NOTCH3: variants seen among roughly 807,000 people sequenced by gnomAD.
The protein encoded by NOTCH3 is neurogenic locus notch homolog protein 3.
In NOTCH3, 86 loss-of-function variants were observed where a neutral mutation model predicts 213.3. The observed-to-expected ratio is 0.40, with a 90% CI of 0.34 to 0.48. The LOEUF (loss-of-function observed/expected upper bound fraction) is 0.48, where lower values mean the gene tolerates loss of function less well. NOTCH3 is among the 20% of genes least tolerant of loss of function. The probability of loss-of-function intolerance (pLI) is 0.57; values close to 1 mark genes in which losing one functional copy is unlikely to be tolerated. For synonymous variants in NOTCH3, 1,354 were observed against 1,355.9 expected, an observed-to-expected ratio of 1.00 and a Z score of 0.03; for missense variants, 2,783 against 3,272.6, an observed-to-expected ratio of 0.85 and a Z score of 3.65.
At chr19:15,176,432 G>T (rs1252796150) in intron 24 of NOTCH3, among the ~76,000 whole-genome samples, 1 of 71,664 alleles carries the variant, frequency 1.4e-5, no homozygotes, top group African/African-American at 6.1e-5. Flanking sequence ...CAAAGTACTG[G>T]GATTACAGGC....
rs112441254 is a variant in NOTCH3, at chr19:15,170,366, C to A, written c.5079G>T (p.Arg1693=). 11 of 1,613,760 alleles carry A rather than the reference C, an allele frequency of 6.8e-6. No homozygotes were observed. In the African/African-American group the frequency reaches 9.3e-5, roughly 14 times the overall value. The part of the protein sequence containing the change: ...HKDVASGHKG[R]REPVGQDALG... Reference sequence around the variant, plus strand: ...GCGCGTCCTGGCCCACGGGTTCCCGCCGGCCCTTGTGACCAGAGGCCACGT... The same window carrying A: ...GCGCGTCCTGGCCCACGGGTTCCCGACGGCCCTTGTGACCAGAGGCCACGT... Residue 1693 remains arginine (R), a synonymous_variant, in exon 27 of 33, where the codon CGG becomes CGT. Coordinates refer to ENST00000263388, the MANE Select transcript of NOTCH3 (RefSeq NM_000435.3).
At chr19:15,181,523 C>T in intron 17 of NOTCH3, 53 bp downstream of exon 17, 1 of 1,471,726 alleles carries the variant, frequency 6.8e-7, no homozygotes, top group Non-Finnish European at 9.3e-7. Context: ...TCCCAGGTCC[C>T]AGGCCCCATC....
chr19:15,184,878 G>A (rs1568357837), intron 15 of NOTCH3, 28 bp downstream of exon 15: 1 of 1,238,164 alleles, frequency 8.1e-7, no homozygotes, highest in South Asian at 1.3e-5. Flanking sequence ...AGATGGAGAG[G>A]AGGAGGGAAG....
At chr19:15,178,664 TG>T in intron 23 of NOTCH3, 158 bp downstream of exon 23, 1 of 677,064 alleles carries the variant, frequency 1.5e-6, no homozygotes, top group South Asian at 1.6e-5. Flanking sequence ...GGATTACAGG[TG>T]TGAGCTACCA....
Position 15,165,716 on chromosome 19 carries a change from A to C in NOTCH3, c.5667+71T>G. ...AGAAAAAATGAGTCTGAAAGGCAGA[A>C]CTGGGGCTCAAACCCAGGTAAGTCT... On this transcript the variant is annotated intron_variant, in intron 30 of 32. Transcript: ENST00000263388. This position sits in a 1 kb window ranked among gnomAD's most constrained non-coding sequence, Gnocchi z 4.7. 1 of 1,551,900 alleles carries C rather than the reference A, an allele frequency of 6.4e-7. No individual in the cohort carries two copies. Among genetic ancestry groups the C allele is most frequent in the South Asian group, 1.1e-5 (1 of 89,366 alleles).
At chr19:15,179,578 C>A (rs2046822379) in intron 20 of NOTCH3, 82 bp from the exon 21 acceptor site, 1 of 1,485,336 alleles carries the variant, frequency 6.7e-7, no homozygotes, top group Non-Finnish European at 9.3e-7. Flanking sequence ...CGCAAAGAAC[C>A]CCAGCACAAA....
At chr19:15,198,630 A>ACTACTTAGCTGGGC (rs2046987781) in intron 1 of NOTCH3, among the ~76,000 whole-genome samples, 1 of 152,184 alleles carries the variant, frequency 6.6e-6, no homozygotes, top group Non-Finnish European at 1.5e-5. Flanking sequence ...AGGTGCCTGT[A>ACTACTTAGCTGGGC]ATCCTAGCTA....
At chr19:15,191,335 G>A in intron 6 of NOTCH3, 89 bp downstream of exon 6, 1 of 1,186,772 alleles carries the variant, frequency 8.4e-7, no homozygotes, top group Non-Finnish European at 1.2e-6. Context: ...GCCCAGCCTA[G>A]CATAATCTTT....
chr19:15,173,136 C>T (rs552805750), intron 25 of NOTCH3, among the ~76,000 whole-genome samples: 49 of 115,294 alleles, frequency 4.2e-4, no homozygotes, highest in Non-Finnish European at 7.3e-4. Context: ...TTTAAGAGAT[C>T]GGAGGCCGGG....
intron 23 of NOTCH3, 28 bp from the exon 24 acceptor site, chr19:15,178,118 A>C: frequency 6.9e-7 from 1 of 1,443,258 alleles, no homozygotes; most frequent in Non-Finnish European, 9.3e-7. Context: ...GGAGGGAGGG[A>C]TAAAAATGAG....
intron 28 of NOTCH3, among the ~76,000 whole-genome samples, chr19:15,169,188 C>CTCTCTCTG (rs1415021433): frequency 1.5e-3 from 3 of 2,066 alleles, no homozygotes; most frequent in African/African-American, 0.011. Context: ...TCAAATCTGT[C>CTCTCTCTG]TCTCTCTCTC....
In NOTCH3 at chr19:15,161,446, T is replaced by G. The variant is rs1458170377; in HGVS notation, c.6182A>C (p.Lys2061Thr). The G allele has an allele frequency of 1.4e-5, 21 of 1,552,976 alleles. No homozygotes were observed. In the South Asian group the frequency reaches 2.1e-4, roughly 16 times the overall value. The change falls in exon 33 of 33, where the codon AAG (lysine) becomes ACG (threonine). Residue 2061 changes from lysine to threonine, a missense_variant. By Grantham distance (78) the Lys-to-Thr change is moderately conservative. Coordinates refer to ENST00000263388, the MANE Select transcript of NOTCH3 (RefSeq NM_000435.3). ...CTTCCCGGGGGGCCTCCTGCTCTTCTTGGACCCCGACTGTGCCGCTTTGAG... is the reference window on the plus strand; with the variant it reads ...CTTCCCGGGGGGCCTCCTGCTCTTCGTGGACCCCGACTGTGCCGCTTTGAG... Reference protein sequence around the residue: ...PGLKAAQSGSKKSRRPPGKAG... With the variant: ...PGLKAAQSGSTKSRRPPGKAG...
chr19:15,200,961 C>G lies in NOTCH3; in HGVS notation c.-56G>C, dbSNP rs1432015165. 6 of 222,914 alleles carry G rather than the reference C, an allele frequency of 2.7e-5. No homozygotes were observed. Among genetic ancestry groups the G allele is most frequent in the Non-Finnish European group, 4.2e-5 (5 of 118,572 alleles). 13.8% of individuals were successfully genotyped at this position (222,914 alleles called of 1,614,324 possible). On this transcript the variant is annotated 5_prime_UTR_variant, in exon 1 of 33. Coordinates refer to ENST00000263388, the MANE Select transcript of NOTCH3 (RefSeq NM_000435.3). ...TCCTTCCCTGGGCTCCGGGCGCGTC[C>G]CGGGCCAGCCTCCGCGCCGCCAACT... is the stretch of plus-strand genomic sequence containing the variant.
chr19:15,194,757 A>C (rs1045572674), intron 2 of NOTCH3, among the ~76,000 whole-genome samples: 1 of 152,066 alleles, frequency 6.6e-6, no homozygotes, highest in Non-Finnish European at 1.5e-5. Context: ...AGAGTTCGAG[A>C]CCAGCCTGAC....
intron 25 of NOTCH3, among the ~76,000 whole-genome samples, chr19:15,171,128 C>A (rs997951618): frequency 8.5e-5 from 13 of 152,092 alleles, no homozygotes; most frequent in African/African-American, 2.9e-4. Flanking sequence ...TGGGTTCAAG[C>A]GATTCTCCTG....
Position 15,181,039 on chromosome 19 carries a change from T to A in NOTCH3, c.2916A>T (p.Leu972=), listed in dbSNP as rs1354997940. ...EADPCLSRPC[L]HGGVCSAAHP... ...GGGCGGCGCTGCAGACGCCCCCGTG[T>A]AGGCAGGGCCGCGAGAGGCAGGGGT... Residue 972 remains leucine (L), a synonymous_variant, in exon 18 of 33, where the codon CTA becomes CTT. Transcript: ENST00000263388. 6.2e-7 allele frequency: 1 copy of A among 1,603,822 alleles called. No individual in the cohort carries two copies. Among genetic ancestry groups the A allele is most frequent in the East Asian group, 2.2e-5 (1 of 44,534 alleles).
chr19:15,191,918 C>G (rs1194650269), intron 4 of NOTCH3, 42 bp downstream of exon 4: 5 of 1,613,728 alleles, frequency 3.1e-6, no homozygotes, highest in Non-Finnish European at 4.2e-6. Flanking sequence ...CCTGCTGTCC[C>G]CACGCCCACC....
chr19:15,165,561 G>A lies in NOTCH3; in HGVS notation c.5668-46C>T. The A allele has an allele frequency of 6.3e-7, 1 of 1,598,488 alleles. No individual in the cohort carries two copies. Among genetic ancestry groups the A allele is most frequent in the Non-Finnish European group, 8.5e-7 (1 of 1,176,252 alleles). On this transcript the variant is annotated intron_variant, in intron 30 of 32. Transcript: ENST00000263388. This position sits in a 1 kb window ranked among gnomAD's most constrained non-coding sequence, Gnocchi z 4.7. The stretch of plus-strand genomic sequence containing the variant: ...AGCAGGAGGGGTCATGGCAGGAACA[G>A]AGGAATCAGGAGCACCCCTAAGTCC...
rs767998193 is a variant in NOTCH3 at position 15,161,254 on chromosome 19, C to A, written c.6374G>T (p.Gly2125Val). The A allele has an allele frequency of 6.5e-7, 1 of 1,545,778 alleles. No individual in the cohort carries two copies. Among genetic ancestry groups the A allele is most frequent in the South Asian group, 1.2e-5 (1 of 84,366 alleles). ...AGTGGCAGTGGCAGCTGCATAGGGC[C>A]CCTCAAGGGGGAAGCCACCAGGGGA... The part of the protein sequence containing the change: ...PASPGGFPLE[G>V]PYAAATATAV... Residue 2125 changes from glycine (G) to valine (V), a missense_variant, in exon 33 of 33, where the codon GGG becomes GTG. This residue lies in a region of NOTCH3 where 441 missense variants were observed against 432.1 expected (regional missense o/e 1.02). Coordinates refer to ENST00000263388, the MANE Select transcript of NOTCH3 (RefSeq NM_000435.3).
Sources: gnomAD v4.1 joint callset for allele counts (sites outside exome capture counted in the v4.1 genomes callset) on GRCh38, gnomAD v4.1.1 for gene constraint, gnomAD v4.1.1 regional missense constraint, Gnocchi (gnomAD v3.1) non-coding constraint, MANE v1.5 for transcripts, NCBI Gene and HGNC (gene_info 2026-07-23, HGNC 2026-07-21) for gene names.